HECW2: variants seen among roughly 807,000 people sequenced by gnomAD.
HECW2 encodes E3 ubiquitin-protein ligase HECW2.
A neutral mutation model predicts 175.2 loss-of-function variants in HECW2; 61 were observed. The ratio of observed to expected loss-of-function variants is 0.35; its 90% CI spans 0.28 to 0.43. The LOEUF is 0.43. HECW2 is among the 20% of genes least tolerant of loss of function. The pLI, the probability that HECW2 is intolerant of heterozygous loss-of-function variation, is 1.00. For synonymous variants in HECW2, 671 were observed against 731.0 expected (o/e 0.92, Z 1.32); for missense variants, 1,524 against 2,000.5 (o/e 0.76, Z 4.54).
At chr2:196,498,071 G>A (rs777851106) in intron 1 of HECW2, among the ~76,000 whole-genome samples, 39 of 152,266 alleles carry the variant, frequency 2.6e-4, no homozygotes, top group East Asian at 1.9e-4. Flanking sequence ...CCTTTTGAGA[G>A]TTGATTTTTC....
At chr2:196,472,137 T>C (rs1047913904) in intron 1 of HECW2, among the ~76,000 whole-genome samples, 1 of 151,720 alleles carries the variant, frequency 6.6e-6, no homozygotes, top group African/African-American at 2.4e-5. Context: ...AAAAAAATAG[T>C]TGTAGTCAAA....
intron 14 of HECW2, among the ~76,000 whole-genome samples, chr2:196,285,475 G>A (rs1406031490): frequency 8.5e-5 from 13 of 152,174 alleles, no homozygotes; most frequent in Non-Finnish European, 5.9e-5. Flanking sequence ...ACTATGTATT[G>A]TATCTGCTGT....
At chr2:196,278,884 C>A (rs192112519) in intron 14 of HECW2, among the ~76,000 whole-genome samples, 69 of 152,164 alleles carry the variant, frequency 4.5e-4, no homozygotes, top group African/African-American at 1.5e-3. Context: ...CAGGAAGGAA[C>A]ATTATGCCTG....
chr2:196,553,530 GTGTT>G (rs749604875), intron 1 of HECW2, among the ~76,000 whole-genome samples: 73 of 152,178 alleles, frequency 4.8e-4, no homozygotes, highest in Non-Finnish European at 1.5e-4. Flanking sequence ...ATGGTAATAA[GTGTT>G]TGCCTTACAC....
chr2:196,432,290 T>C (rs540537462), intron 2 of HECW2, among the ~76,000 whole-genome samples: 17 of 152,296 alleles, frequency 1.1e-4, no homozygotes, highest in African/African-American at 3.4e-4. Flanking sequence ...ACAACTTACA[T>C]TGAAAGCAAC....
intron 1 of HECW2, among the ~76,000 whole-genome samples, chr2:196,514,883 G>A (rs570037373): frequency 2.1e-4 from 32 of 152,276 alleles, no homozygotes; most frequent in African/African-American, 7.5e-4. Flanking sequence ...CAAGAACTTG[G>A]GACCAGCCAA....
At chr2:196,583,152 A>T (rs965188861) in intron 1 of HECW2, among the ~76,000 whole-genome samples, 25 of 152,122 alleles carry the variant, frequency 1.6e-4, no homozygotes, top group African/African-American at 5.6e-4. Context: ...CTAGTTTCTC[A>T]TGCCAACAAC....
chr2:196,207,001 A>C (rs1344018782), intron 28 of HECW2, among the ~76,000 whole-genome samples: 1 of 152,226 alleles, frequency 6.6e-6, no homozygotes, highest in Non-Finnish European at 1.5e-5. Context: ...CTGAATCAAC[A>C]ACAAGGAGAA....
At chr2:196,377,554 T>C (rs527362326) in intron 2 of HECW2, among the ~76,000 whole-genome samples, 2 of 152,296 alleles carry the variant, frequency 1.3e-5, no homozygotes, top group South Asian at 4.1e-4. Context: ...TTATTCACTA[T>C]CATGAGAACA....
chr2:196,307,824 A>T, intron 11 of HECW2, 111 bp downstream of exon 11: 1 of 1,047,894 alleles, frequency 9.5e-7, no homozygotes, highest in Non-Finnish European at 1.3e-6. Context: ...GCTACACTTT[A>T]ACGACAGGAC....
At chr2:196,263,821 A>G (rs911955562) in intron 17 of HECW2, 2 of 152,228 alleles carry the variant, frequency 1.3e-5, no homozygotes, top group Non-Finnish European at 2.9e-5. Flanking sequence ...CTGTTTCCTC[A>G]TGTTAATATA....
chr2:196,394,302 A>T (rs1694600381), intron 2 of HECW2, among the ~76,000 whole-genome samples: 1 of 152,240 alleles, frequency 6.6e-6, no homozygotes, highest in South Asian at 2.1e-4. Context: ...AAGTATAATT[A>T]AAAATAAAAA....
intron 1 of HECW2, among the ~76,000 whole-genome samples, chr2:196,540,972 A>T (rs942194865): frequency 1.3e-5 from 2 of 152,346 alleles, no homozygotes; most frequent in South Asian, 2.1e-4. Flanking sequence ...AAGAGACTGA[A>T]CATAAAGCCA....
At chr2:196,248,191 T>C (rs112619951) in intron 19 of HECW2, among the ~76,000 whole-genome samples, 443 of 152,340 alleles carry the variant, frequency 2.9e-3, no homozygotes, top group African/African-American at 0.01. Flanking sequence ...ACATACCATT[T>C]ATTGAAAATA....
chr2:196,423,278 T>C (rs933870180), intron 2 of HECW2, among the ~76,000 whole-genome samples: 5 of 152,148 alleles, frequency 3.3e-5, no homozygotes, highest in Non-Finnish European at 7.4e-5. Flanking sequence ...ATTCTCATAA[T>C]ATTGGTGGTT....
At chr2:196,283,186 C>T (rs1361112983) in intron 14 of HECW2, among the ~76,000 whole-genome samples, 5 of 146,292 alleles carry the variant, frequency 3.4e-5, no homozygotes, top group African/African-American at 1.3e-4. Context: ...GGCGTGAACC[C>T]GGGAGGCAGA....
At chr2:196,396,609 T>C (rs1043723366) in intron 2 of HECW2, among the ~76,000 whole-genome samples, 1 of 152,252 alleles carries the variant, frequency 6.6e-6, no homozygotes, top group Non-Finnish European at 1.5e-5. Context: ...TTTCCCCTTT[T>C]GGAGAAATAT....
intron 1 of HECW2, among the ~76,000 whole-genome samples, chr2:196,590,100 A>G (rs1691131357): frequency 6.6e-6 from 1 of 152,176 alleles, no homozygotes; most frequent in Non-Finnish European, 1.5e-5. Context: ...CTGGTGTCGG[A>G]AGAGGGGTGA....
At position 196,380,161 on chromosome 2, in the gene HECW2, T is replaced by C. The variant is rs150207697; in HGVS notation, c.293-36397A>G. Among the ~76,000 whole-genome samples the C allele has an allele frequency of 2.0e-4, 31 of 152,320 alleles. 1 individual carries two copies. Among genetic ancestry groups the C allele is most frequent in the East Asian group, 7.7e-4 (4 of 5,186 alleles). Reference sequence around the variant, plus strand: ...AGTCCCTGCTCAGTTCACTCAGTGGTTGGATAACAAATGCACAAAGATTTG... The same window carrying C: ...AGTCCCTGCTCAGTTCACTCAGTGGCTGGATAACAAATGCACAAAGATTTG... On this transcript the variant is annotated intron_variant, in intron 2 of 28. Coordinates refer to ENST00000644978, the MANE Select transcript of HECW2 (RefSeq NM_001348768.2).
Sources: gnomAD v4.1 joint callset for allele counts (sites outside exome capture counted in the v4.1 genomes callset) on GRCh38, gnomAD v4.1.1 for gene constraint, MANE v1.5 for transcripts, NCBI Gene and HGNC (gene_info 2026-07-23, HGNC 2026-07-21) for gene names.